TRAF3: variants seen among roughly 807,000 people sequenced by gnomAD.
TRAF3 encodes the protein TNF receptor associated factor 3.
A neutral mutation model predicts 62.3 loss-of-function variants in TRAF3; 13 were observed. That is an observed-to-expected ratio of 0.21 (90% CI 0.14 to 0.33). The LOEUF (loss-of-function observed/expected upper bound fraction) is 0.33, where lower values mean the gene tolerates loss of function less well. Among genes scored for constraint, TRAF3 ranks in the 10% least tolerant of loss-of-function variants. The pLI is 1.00. For missense variants in TRAF3, 440 were observed against 741.8 expected, an observed-to-expected ratio of 0.59 and a Z score of 4.73; for synonymous variants, 269 against 283.4, an observed-to-expected ratio of 0.95 and a Z score of 0.51.
At position 102,905,594 on chromosome 14, in the gene TRAF3, G is replaced by A; in HGVS notation, c.1517G>A (p.Arg506His). 5 of 1,614,188 alleles carry A rather than the reference G, an allele frequency of 3.1e-6. No individual in the cohort carries two copies. The highest frequency in any genetic ancestry group is 4.2e-6 in the Non-Finnish European group (5 of 1,180,034). The change falls in exon 12 of 12, where the codon CGT becomes CAT. Residue 506 changes from arginine to histidine, a missense_variant. This residue lies in a region of TRAF3 where 59 missense variants were observed against 120.9 expected (regional missense o/e 0.49). Transcript: ENST00000392745. ...CTGATGGATCAGGGGTCCTCTCGAC[G>A]TCATTTGGGAGATGCATTCAAGCCC... ...LMLMDQGSSR[R>H]HLGDAFKPDP... is the part of the protein sequence containing the mutation.
chr14:102,789,799 A>G (rs1447161497), intron 1 of TRAF3, among the ~76,000 whole-genome samples: 2 of 151,272 alleles, frequency 1.3e-5, no homozygotes, highest in African/African-American at 4.9e-5. Context: ...TTCTTTATAT[A>G]TTCTGAATGT....
At chr14:102,811,291 T>A (rs1433784690) in intron 1 of TRAF3, among the ~76,000 whole-genome samples, 1 of 150,260 alleles carries the variant, frequency 6.7e-6, no homozygotes, top group Non-Finnish European at 1.5e-5. Context: ...GAGCAAACAA[T>A]GGGTACCTTT....
intron 1 of TRAF3, among the ~76,000 whole-genome samples, chr14:102,821,789 A>G (rs1271163156): frequency 6.6e-6 from 1 of 152,210 alleles, no homozygotes; most frequent in Admixed American, 6.5e-5. Context: ...CACGCCTGTA[A>G]TCCCAGCACT....
intron 1 of TRAF3, among the ~76,000 whole-genome samples, chr14:102,830,132 A>G (rs952727054): frequency 2.0e-5 from 3 of 152,212 alleles, no homozygotes; most frequent in Middle Eastern, 3.2e-3. Flanking sequence ...GGCAGCTCCT[A>G]GAGGGCCTGG....
intron 2 of TRAF3, among the ~76,000 whole-genome samples, chr14:102,854,435 C>T (rs1391513737): frequency 6.6e-6 from 1 of 152,326 alleles, no homozygotes; most frequent in Non-Finnish European, 1.5e-5. Flanking sequence ...CATATCCTTG[C>T]TAACACTTGT....
At chr14:102,829,633 C>G (rs1278254590) in intron 1 of TRAF3, among the ~76,000 whole-genome samples, 1 of 152,206 alleles carries the variant, frequency 6.6e-6, no homozygotes, top group African/African-American at 2.4e-5. Context: ...TTCTATCCAT[C>G]TGAAGGGCTT....
intron 1 of TRAF3, among the ~76,000 whole-genome samples, chr14:102,825,322 G>A (rs189629544): frequency 4.7e-4 from 71 of 152,308 alleles, no homozygotes; most frequent in African/African-American, 1.3e-3. Context: ...ACAGGCCTGC[G>A]GGGACCTGGC....
chr14:102,893,575 T>C (rs570418329), intron 9 of TRAF3, among the ~76,000 whole-genome samples: 1 of 152,198 alleles, frequency 6.6e-6, no homozygotes, highest in Admixed American at 6.5e-5. Flanking sequence ...TTTTCCCCAC[T>C]GAAAGTGAAT....
At chr14:102,888,103 G>T (rs766559104) in intron 7 of TRAF3, among the ~76,000 whole-genome samples, 3 of 152,192 alleles carry the variant, frequency 2.0e-5, no homozygotes, top group Non-Finnish European at 4.4e-5. Flanking sequence ...ATCAAACCCA[G>T]TGTGTCAGTG....
chr14:102,834,683 G>A lies in TRAF3; in HGVS notation c.-18+4211G>A, dbSNP rs1355766884. On this transcript the variant is annotated intron_variant, in intron 2 of 11. Coordinates refer to ENST00000392745, the MANE Select transcript of TRAF3 (RefSeq NM_145725.3). Reference sequence around the variant, plus strand: ...AGCCTGGGTGACAGAGCGAGACTCCGTCTCAAAAAAAAAAAAAAAAAAAAG... The same window carrying A: ...AGCCTGGGTGACAGAGCGAGACTCCATCTCAAAAAAAAAAAAAAAAAAAAG... Among the ~76,000 whole-genome samples the A allele has an allele frequency of 1.3e-4, 7 of 54,470 alleles. No homozygotes were observed. In the African/African-American group the frequency reaches 1.3e-3, roughly 10 times the overall value. 35.7% of individuals were successfully genotyped at this position (54,470 alleles called of 152,430 possible).
chr14:102,787,008 A>G (rs758547171), intron 1 of TRAF3, among the ~76,000 whole-genome samples: 13 of 152,162 alleles, frequency 8.5e-5, no homozygotes, highest in Non-Finnish European at 1.5e-5. Flanking sequence ...TCTCAAAACA[A>G]GAACAAGAAA....
chr14:102,855,656 C>A (rs1462337399), intron 2 of TRAF3, among the ~76,000 whole-genome samples: 1 of 151,932 alleles, frequency 6.6e-6, no homozygotes, highest in African/African-American at 2.4e-5. Context: ...ATTAGCCAGG[C>A]GTGGTGGCAC....
At chr14:102,854,473 T>TC (rs1566776770) in intron 2 of TRAF3, among the ~76,000 whole-genome samples, 1 of 152,212 alleles carries the variant, frequency 6.6e-6, no homozygotes, top group African/African-American at 2.4e-5. Flanking sequence ...ATTTTAGCCA[T>TC]CCAAGTGACT....
chr14:102,898,481 C>T (rs1890113562), intron 10 of TRAF3, among the ~76,000 whole-genome samples: 1 of 152,258 alleles, frequency 6.6e-6, no homozygotes, highest in Non-Finnish European at 1.5e-5. Context: ...CAGGCCACTG[C>T]TGCGGGGCCC....
chr14:102,793,796 C>T (rs188890894), intron 1 of TRAF3, among the ~76,000 whole-genome samples: 20 of 152,264 alleles, frequency 1.3e-4, no homozygotes, highest in Admixed American at 3.9e-4. Context: ...CAGATTGTTC[C>T]GGATAATGGT....
At chr14:102,854,276 A>G (rs536710220) in intron 2 of TRAF3, among the ~76,000 whole-genome samples, 1 of 152,164 alleles carries the variant, frequency 6.6e-6, no homozygotes, top group East Asian at 1.9e-4. Flanking sequence ...GCGTGAACAG[A>G]CTGGTTCTCT....
chr14:102,901,769 TTG>T (rs1280686940), intron 10 of TRAF3, among the ~76,000 whole-genome samples: 9 of 152,226 alleles, frequency 5.9e-5, no homozygotes, highest in Non-Finnish European at 1.0e-4. Flanking sequence ...CCTGTCATGT[TTG>T]TGTCTTTGTG....
At chr14:102,820,684 G>C (rs187080676) in intron 1 of TRAF3, among the ~76,000 whole-genome samples, 93 of 126,630 alleles carry the variant, frequency 7.3e-4, no homozygotes, top group African/African-American at 2.6e-3. Flanking sequence ...AGAGCACAGT[G>C]GTGCAATCAC....
At chr14:102,850,796 G>A (rs578009075) in intron 2 of TRAF3, among the ~76,000 whole-genome samples, 2 of 151,718 alleles carry the variant, frequency 1.3e-5, no homozygotes, top group African/African-American at 4.8e-5. Context: ...CACTGGCATA[G>A]GTGCCATTTT....
Sources: allele counts gnomAD v4.1 joint callset (sites outside exome capture counted in the v4.1 genomes callset), GRCh38; gene constraint gnomAD v4.1.1; regional missense constraint gnomAD v4.1.1; transcripts MANE v1.5; gene names NCBI Gene and HGNC (gene_info 2026-07-23, HGNC 2026-07-21).